The following DLG2 variants were observed in gnomAD, a reference collection of about 807,000 sequenced individuals.
The protein encoded by DLG2 is discs large MAGUK scaffold protein 2.
In DLG2, 45 loss-of-function variants were observed where a neutral mutation model predicts 132.5. The ratio of observed to expected loss-of-function variants is 0.34; its 90% confidence interval spans 0.27 to 0.44. The LOEUF is 0.44. Among genes scored for constraint, DLG2 ranks in the 20% least tolerant of loss-of-function variants. The probability of loss-of-function intolerance (pLI) is 1.00; values close to 1 mark genes in which losing one functional copy is unlikely to be tolerated. For missense variants in DLG2, 1,045 were observed against 1,196.9 expected (o/e 0.87, Z 1.87); for synonymous variants, 424 against 419.6 (o/e 1.01, Z -0.13).
At chr11:84,915,325 G>T (rs1419269104) in intron 6 of DLG2, among the ~76,000 whole-genome samples, 1 of 152,000 alleles carries the variant, frequency 6.6e-6, no homozygotes, top group Non-Finnish European at 1.5e-5. Context: ...AAAAAAGAAA[G>T]AAATTGTTAA....
intron 7 of DLG2, among the ~76,000 whole-genome samples, chr11:84,520,653 A>G (rs1008849601): frequency 6.6e-6 from 1 of 151,982 alleles, no homozygotes; most frequent in African/African-American, 2.4e-5. Context: ...TTACTTTTCC[A>G]TTGACCATTC....
intron 3 of DLG2, among the ~76,000 whole-genome samples, chr11:85,441,924 A>T (rs924447763): frequency 6.6e-5 from 10 of 152,162 alleles, no homozygotes; most frequent in Admixed American, 1.3e-4. Context: ...ATAGCTAAGT[A>T]GTCTTGGTGG....
At chr11:84,520,549 C>T (rs1414566756) in intron 7 of DLG2, among the ~76,000 whole-genome samples, 6 of 152,170 alleles carry the variant, frequency 3.9e-5, no homozygotes, top group African/African-American at 1.4e-4. Flanking sequence ...CTGACAACTC[C>T]TTGAACTAAA....
rs141744073 is a variant in DLG2 at position 84,476,202 on chromosome 11, T to C, written c.519+58368A>G. On this transcript the variant is annotated intron_variant, in intron 7 of 27. Coordinates refer to ENST00000376104, the MANE Select transcript of DLG2 (RefSeq NM_001142699.3). ...ACATAACTAATAAAAGAGCAGCAGTTCAACTCACATCTATCTGACTCTAAC... is the reference window on the plus strand; with the variant it reads ...ACATAACTAATAAAAGAGCAGCAGTCCAACTCACATCTATCTGACTCTAAC... 2.6e-4 allele frequency among the ~76,000 whole-genome samples: 39 copies of C among 152,274 alleles called. No individual in the cohort carries two copies. In the East Asian group the frequency reaches 7.0e-3, roughly 27 times the overall value.
At chr11:83,475,480 C>G (rs2092516692) in intron 22 of DLG2, among the ~76,000 whole-genome samples, 1 of 138,860 alleles carries the variant, frequency 7.2e-6, no homozygotes, top group South Asian at 2.4e-4. Flanking sequence ...GTAGTGGAGT[C>G]AAGATTTAAT....
intron 11 of DLG2, among the ~76,000 whole-genome samples, chr11:84,023,022 T>C (rs2154079318): frequency 6.6e-6 from 1 of 152,230 alleles, no homozygotes; most frequent in Admixed American, 6.5e-5. Context: ...ACAAAAAAAA[T>C]GGTGATTTAT....
intron 7 of DLG2, among the ~76,000 whole-genome samples, chr11:84,399,737 C>A (rs2098823102): frequency 1.3e-5 from 2 of 152,174 alleles, no homozygotes; most frequent in African/African-American, 4.8e-5. Flanking sequence ...TTTTGACACT[C>A]ATTAAAAGTT....
At chr11:83,611,246 T>C (rs1265829993) in intron 19 of DLG2, among the ~76,000 whole-genome samples, 1 of 151,862 alleles carries the variant, frequency 6.6e-6, no homozygotes, top group South Asian at 2.1e-4. Context: ...CTTTTGAACG[T>C]AAAAGGAAAT....
intron 7 of DLG2, among the ~76,000 whole-genome samples, chr11:84,502,322 CTTTCTTTCTTTCTTTCTTTCTTTCTTTCT>C (rs2099217623): frequency 8.2e-5 from 1 of 12,212 alleles, no homozygotes; most frequent in South Asian, 2.4e-3. Flanking sequence ...TTCTTTCTTT[CTTTCTTTCTTTCTTTCTTTCTTTCTTTCT>C]TTCTTTCTTT....
At chr11:84,707,398 T>C (rs1273573113) in intron 6 of DLG2, among the ~76,000 whole-genome samples, 1 of 151,858 alleles carries the variant, frequency 6.6e-6, no homozygotes, top group African/African-American at 2.4e-5. Flanking sequence ...GTTTCCTGGC[T>C]TGACACTAAA....
chr11:83,935,186 A>G (rs778845491), intron 14 of DLG2, among the ~76,000 whole-genome samples: 1 of 152,190 alleles, frequency 6.6e-6, no homozygotes. Context: ...TCAGATGCCT[A>G]AGTATCTAAT....
chr11:83,771,364 T>C (rs1474045997), intron 18 of DLG2, among the ~76,000 whole-genome samples: 3 of 152,262 alleles, frequency 2.0e-5, no homozygotes, highest in Non-Finnish European at 2.9e-5. Flanking sequence ...ATATTTCTTT[T>C]TCTTTTTTGT....
chr11:84,243,261 G>T (rs2097259601), intron 8 of DLG2, among the ~76,000 whole-genome samples: 1 of 152,032 alleles, frequency 6.6e-6, no homozygotes, highest in Non-Finnish European at 1.5e-5. Context: ...ACTGAGGAAT[G>T]AATTTGTAAT....
chr11:83,490,594 G>A (rs1361628130), intron 21 of DLG2, among the ~76,000 whole-genome samples: 5 of 151,986 alleles, frequency 3.3e-5, no homozygotes, highest in Admixed American at 1.3e-4. Flanking sequence ...ATTAAAAAGA[G>A]GGGAAAAGAT....
At chr11:84,021,334 A>T (rs1223223013) in intron 11 of DLG2, among the ~76,000 whole-genome samples, 1 of 149,722 alleles carries the variant, frequency 6.7e-6, no homozygotes, top group Non-Finnish European at 1.5e-5. Context: ...TACTATTTCA[A>T]CTTCACCAAG....
At chr11:84,699,375 G>C (rs1461247548) in intron 6 of DLG2, among the ~76,000 whole-genome samples, 2 of 151,440 alleles carry the variant, frequency 1.3e-5, no homozygotes, top group African/African-American at 4.8e-5. Context: ...ATAACTGTTG[G>C]CTTTAATTTA....
chr11:84,544,999 T>G (rs1436859153), intron 6 of DLG2: 1 of 413,868 alleles, frequency 2.4e-6, no homozygotes, highest in Non-Finnish European at 4.7e-6. Flanking sequence ...ATGAGTATTG[T>G]CTAAAACATG....
intron 16 of DLG2, 40 bp from the exon 17 acceptor site, chr11:83,833,810 CATTTAAG>C (rs1384285635): frequency 1.3e-6 from 2 of 1,584,210 alleles, no homozygotes; most frequent in South Asian, 1.1e-5. Flanking sequence ...GAGGGTGATC[CATTTAAG>C]ATTTACGTTG....
intron 21 of DLG2, among the ~76,000 whole-genome samples, chr11:83,526,166 G>A (rs2095604575): frequency 6.6e-6 from 1 of 152,160 alleles, no homozygotes; most frequent in South Asian, 2.1e-4. Flanking sequence ...GGGAGCGTAA[G>A]GCTTTGGAAA....
Sources: allele counts gnomAD v4.1 joint callset (sites outside exome capture counted in the v4.1 genomes callset), GRCh38; gene constraint gnomAD v4.1.1; transcripts MANE v1.5; gene names NCBI Gene and HGNC (gene_info 2026-07-23, HGNC 2026-07-21).